The following ZNF263 variants were observed in gnomAD, a reference collection of about 807,000 sequenced individuals.
The protein encoded by ZNF263 is zinc finger protein 263.
A neutral mutation model predicts 63.1 loss-of-function variants in ZNF263; 49 were observed. That is an observed-to-expected ratio of 0.78 (90% CI 0.62 to 0.99). The LOEUF (loss-of-function observed/expected upper bound fraction) is 0.99. Among genes scored for constraint, ZNF263 ranks in the 50% least tolerant of loss-of-function variants. The pLI is 0.00. For missense variants in ZNF263, 872 were observed against 854.8 expected, an observed-to-expected ratio of 1.02 and a Z score of -0.25; for synonymous variants, 352 against 324.2, an observed-to-expected ratio of 1.09 and a Z score of -0.92.
downstream of ZNF263, among the ~76,000 whole-genome samples, chr16:3,292,300 C>T (rs1959632404): frequency 6.6e-6 from 1 of 152,158 alleles, no homozygotes; most frequent in Non-Finnish European, 1.5e-5. Flanking sequence ...CTCAGCCCTG[C>T]CTCAGTTTAG....
intron 1 of ZNF263, among the ~76,000 whole-genome samples, chr16:3,298,575 T>C (rs903894790): frequency 6.6e-6 from 1 of 152,210 alleles, no homozygotes. Context: ...ACTAAATAGG[T>C]AGTAACAGAG....
At chr16:3,300,238 A>G (rs760122214) in intron 2 of ZNF263, 1 of 1,614,246 alleles carries the variant, frequency 6.2e-7, no homozygotes, top group Admixed American at 1.7e-5. Flanking sequence ...AAATCTAAAA[A>G]GCCAACCAGT....
chr16:3,291,563 G>T (rs1379268721), downstream of ZNF263: 5 of 934,010 alleles, frequency 5.4e-6, no homozygotes, highest in South Asian at 2.5e-4. Context: ...GACTTACTGG[G>T]TTGGTCAGGA....
At chr16:3,293,370 G>C (rs926152147), downstream of ZNF263, 4 of 152,250 alleles carry the variant, frequency 2.6e-5, no homozygotes, top group Admixed American at 6.5e-5. Context: ...CAGCCACACA[G>C]AACTGAGTCA....
At chr16:3,295,936 G>T (rs1959734436), downstream of ZNF263, among the ~76,000 whole-genome samples, 1 of 152,156 alleles carries the variant, frequency 6.6e-6, no homozygotes, top group Admixed American at 6.5e-5. Context: ...TGTCTTTCCT[G>T]CTCTTCTCCG....
In ZNF263 at chr16:3,298,985, T is replaced by C. The variant is rs112964318; in HGVS notation, c.152-121T>C. The C allele has an allele frequency of 9.5e-4, 1,227 of 1,286,960 alleles. 11 individuals are homozygous for C. In the African/African-American group the frequency reaches 0.017, roughly 17 times the overall value. The allele number at this position is 1,286,960 out of a possible 1,614,324, so 79.7% of individuals were successfully genotyped here. A position where few individuals can be genotyped will look rare whatever the true frequency, so the allele number is the denominator to read the frequency against. ...AAAATCTAATGATTAGAACCAGAAGTTGAAGGCCCACTGAAGGAGTCCTTA... is the reference window on the plus strand; with the variant it reads ...AAAATCTAATGATTAGAACCAGAAGCTGAAGGCCCACTGAAGGAGTCCTTA... On this transcript the variant is annotated intron_variant, in intron 1 of 2. Coordinates refer to the ZNF263 transcript ENST00000574674.
chr16:3,294,076 C>A (rs542968819), downstream of ZNF263, among the ~76,000 whole-genome samples: 3 of 152,206 alleles, frequency 2.0e-5, no homozygotes, highest in Non-Finnish European at 2.9e-5. Context: ...CAGGCGCCCG[C>A]CACCACGCCT....
intron 1 of ZNF263, among the ~76,000 whole-genome samples, chr16:3,298,324 AAC>A (rs1283979558): frequency 6.6e-6 from 1 of 152,248 alleles, no homozygotes; most frequent in African/African-American, 2.4e-5. Context: ...TATGAAGACT[AAC>A]ATATATATAC....
chr16:3,296,093 C>G (rs1959737347), downstream of ZNF263, among the ~76,000 whole-genome samples: 2 of 152,222 alleles, frequency 1.3e-5, no homozygotes, highest in Non-Finnish European at 2.9e-5. Context: ...CCCCTGCTAT[C>G]CAAGTCTCAA....
intron 2 of ZNF263, chr16:3,299,464 G>T: frequency 1.3e-6 from 2 of 1,548,866 alleles, no homozygotes; most frequent in Non-Finnish European, 1.7e-6. Flanking sequence ...CCAACTTTTT[G>T]CCCAGTTAAA....
intron 1 of ZNF263, 41 bp from the exon 2 acceptor site, chr16:3,285,018 G>A (rs201325219): frequency 6.2e-7 from 1 of 1,607,184 alleles, no homozygotes; most frequent in East Asian, 2.2e-5. Flanking sequence ...CCTTCCTCTT[G>A]GGCCCTGTTG....
chr16:3,284,019 T>C lies in ZNF263; in HGVS notation c.201T>C (p.His67=). Residue 67 remains histidine (H), a synonymous_variant, in exon 1 of 6, where the codon CAT becomes CAC. Transcript: ENST00000219069. ...TCAGCCGGCTCCAAGAGCTTTGCCA[T>C]GGGTGGCTTCGGCCTGAGATGCGCA... The part of the protein sequence containing the change: ...EALSRLQELC[H]GWLRPEMRTK... 1 of 1,613,880 alleles carries C rather than the reference T, an allele frequency of 6.2e-7. No individual in the cohort carries two copies. Among genetic ancestry groups the C allele is most frequent in the Non-Finnish European group, 8.5e-7 (1 of 1,179,954 alleles).
chr16:3,285,564 T>C (rs1959316118), intron 2 of ZNF263, 117 bp from the exon 3 acceptor site: 1 of 1,038,142 alleles, frequency 9.6e-7, no homozygotes, highest in East Asian at 2.5e-5. Context: ...CTGTGCAGTT[T>C]AGCGTCATTC....
chr16:3,297,711 T>G (rs183524312), intron 1 of ZNF263, among the ~76,000 whole-genome samples: 182 of 151,640 alleles, frequency 1.2e-3, no homozygotes, highest in African/African-American at 4.2e-3. Context: ...TGATCTGCCC[T>G]CCTCGGCCTC....
chr16:3,299,965 T>C (rs1959887445), intron 2 of ZNF263: 1 of 1,614,082 alleles, frequency 6.2e-7, no homozygotes. Context: ...TCCGTCTGCA[T>C]TTGCACATAA....
In ZNF263 at chr16:3,283,513, G is replaced by C. The variant is rs918468756; in HGVS notation, c.-306G>C. ...CCTAACTTGCGCGCTGAGATTTCCGGCGTGGGAGCAGAGGTCTGAGTCTTG... is the reference window on the plus strand; with the variant it reads ...CCTAACTTGCGCGCTGAGATTTCCGCCGTGGGAGCAGAGGTCTGAGTCTTG... On this transcript the variant is annotated 5_prime_UTR_variant, in exon 1 of 6. Transcript: ENST00000219069. The C allele has an allele frequency of 1.5e-5, 4 of 264,168 alleles. No homozygotes were observed. In the South Asian group the frequency reaches 5.0e-4, roughly 33 times the overall value. The allele number at this position is 264,168 out of a possible 1,614,324, so 16.4% of individuals were successfully genotyped here.
chr16:3,290,610 C>T lies in ZNF263; in HGVS notation c.*52C>T. 6.5e-7 allele frequency: 1 copy of T among 1,535,948 alleles called. No homozygotes were observed. Among genetic ancestry groups the T allele is most frequent in the Admixed American group, 2.0e-5 (1 of 49,112 alleles). On this transcript the variant is annotated 3_prime_UTR_variant, in exon 6 of 6. Transcript: ENST00000219069. ...GGTGAGGTGGCATATTCAGAGGAGC[C>T]TGTTGGCAAGAGCTGGTATTCCCTG... is the stretch of plus-strand genomic sequence containing the variant.
Position 3,290,223 on chromosome 16 carries a change from A to C in ZNF263, c.1717A>C (p.Lys573Gln), listed in dbSNP as rs368879957. The change falls in exon 6 of 6, where the codon AAG becomes CAG. Residue 573 changes from lysine (K) to glutamine (Q), a missense_variant. By Grantham distance (53) the Lys-to-Gln change is moderately conservative. Coordinates refer to ENST00000219069, the MANE Select transcript of ZNF263 (RefSeq NM_005741.5). ...TNHGAHKAEK[K>Q]LFECLTCGKS... Reference sequence around the variant, plus strand: ...CCATGGAGCCCATAAGGCAGAGAAGAAGCTCTTTGAATGTTTGACTTGTGG... The same window carrying C: ...CCATGGAGCCCATAAGGCAGAGAAGCAGCTCTTTGAATGTTTGACTTGTGG... 5.9e-5 allele frequency: 96 copies of C among 1,614,072 alleles called. No individual in the cohort carries two copies. Among genetic ancestry groups the C allele is most frequent in the Non-Finnish European group, 7.6e-5 (90 of 1,180,040 alleles).
intron 1 of ZNF263, among the ~76,000 whole-genome samples, chr16:3,296,740 C>T (rs1218594329): frequency 6.6e-6 from 1 of 151,974 alleles, no homozygotes; most frequent in Non-Finnish European, 1.5e-5. Context: ...GCAATCACTA[C>T]TAATAAAAAA....
Sources: gnomAD v4.1 joint callset for allele counts (sites outside exome capture counted in the v4.1 genomes callset) on GRCh38, gnomAD v4.1.1 for gene constraint, MANE v1.5 for transcripts, NCBI Gene and HGNC (gene_info 2026-07-23, HGNC 2026-07-21) for gene names.